The following LRRC37A2 variants were observed in gnomAD, a reference collection of about 807,000 sequenced individuals.
LRRC37A2 encodes leucine rich repeat containing 37 member A2.
Under a neutral mutation model 68.8 loss-of-function variants are expected in LRRC37A2, and 9 were observed. The observed-to-expected ratio is 0.13, with a 90% CI of 0.08 to 0.23. The LOEUF (loss-of-function observed/expected upper bound fraction) is 0.23. LRRC37A2 is among the 10% of genes least tolerant of loss of function. The pLI is 1.00. For synonymous variants in LRRC37A2, 63 were observed against 367.6 expected (o/e 0.17, Z 9.48); for missense variants, 168 against 950.4 (o/e 0.18, Z 10.82).
the LRRC37A2 span, among the ~76,000 whole-genome samples, chr17:46,883,687 T>C: frequency 6.6e-6 from 1 of 152,182 alleles, no homozygotes; most frequent in Non-Finnish European, 1.5e-5. Flanking sequence ...TCACTGCCTC[T>C]TCCCGGGGAG....
chr17:46,793,149 C>T, the LRRC37A2 span, among the ~76,000 whole-genome samples: 2 of 151,168 alleles, frequency 1.3e-5, no homozygotes. Context: ...TGGTGACCAC[C>T]TGTAGTCCCA....
the LRRC37A2 span, among the ~76,000 whole-genome samples, chr17:46,734,479 CT>C: frequency 6.6e-6 from 1 of 151,654 alleles, no homozygotes; most frequent in Non-Finnish European, 1.5e-5. Flanking sequence ...ATAATACTCT[CT>C]TTAGGTATAC....
the LRRC37A2 span, among the ~76,000 whole-genome samples, chr17:46,879,919 G>A: frequency 3.9e-5 from 6 of 152,230 alleles, no homozygotes; most frequent in Non-Finnish European, 7.3e-5. Context: ...CCACTCCAAG[G>A]GGTCCTTCTG....
At chr17:46,867,808 C>T in the LRRC37A2 span, among the ~76,000 whole-genome samples, 2 of 152,114 alleles carry the variant, frequency 1.3e-5, no homozygotes, top group Admixed American at 1.3e-4. Context: ...GCACCCTTGA[C>T]TTCTCCCACT....
the LRRC37A2 span, among the ~76,000 whole-genome samples, chr17:46,774,351 C>T: frequency 2.2e-4 from 34 of 151,570 alleles, no homozygotes; most frequent in Admixed American, 4.6e-4. Flanking sequence ...TCATGGGACA[C>T]GCGCGCGCGC....
chr17:46,960,530 T>G, the LRRC37A2 span, among the ~76,000 whole-genome samples: 3 of 152,352 alleles, frequency 2.0e-5, no homozygotes, highest in East Asian at 5.8e-4. Flanking sequence ...GGAAAACTTT[T>G]GTTCACACAT....
At chr17:46,818,907 G>A in the LRRC37A2 span, 1 of 472,464 alleles carries the variant, frequency 2.1e-6, no homozygotes, top group Admixed American at 3.8e-5. Flanking sequence ...AGCAAACTTG[G>A]GCAAAGCCCG....
At chr17:46,834,651 C>G in the LRRC37A2 span, among the ~76,000 whole-genome samples, 1 of 152,138 alleles carries the variant, frequency 6.6e-6, no homozygotes, top group African/African-American at 2.4e-5. Context: ...GTCCTTCTCG[C>G]CTGCCTCCTC....
At chr17:46,657,971 T>TTA in the LRRC37A2 span, among the ~76,000 whole-genome samples, 4,973 of 11,498 alleles carry the variant, frequency 0.43, 1,308 homozygotes, top group South Asian at 0.6. Context: ...ATTTTATTTA[T>TTA]TTTTTTTTTT....
At chr17:46,816,111 G>GTA in the LRRC37A2 span, among the ~76,000 whole-genome samples, 2 of 35,176 alleles carry the variant, frequency 5.7e-5, no homozygotes, top group African/African-American at 2.1e-4. Context: ...GCGCGCGCAC[G>GTA]TACACACACA....
chr17:46,838,396 G>A, the LRRC37A2 span, among the ~76,000 whole-genome samples: 1 of 151,856 alleles, frequency 6.6e-6, no homozygotes, highest in Non-Finnish European at 1.5e-5. Context: ...GAAGGCCAAG[G>A]CAGGAGGATC....
At chr17:46,896,974 T>C in the LRRC37A2 span, among the ~76,000 whole-genome samples, 1 of 152,260 alleles carries the variant, frequency 6.6e-6, no homozygotes, top group Non-Finnish European at 1.5e-5. Flanking sequence ...AGTCAAATGC[T>C]ACAGACTGTG....
chr17:46,931,031 GATTTATCATTGTA>G, the LRRC37A2 span: 1 of 889,584 alleles, frequency 1.1e-6, no homozygotes, highest in East Asian at 2.4e-5. Context: ...AAAAATCTGT[GATTTATCATTGTA>G]ATTTAAGTTC....
chr17:46,995,199 G>A, the LRRC37A2 span, among the ~76,000 whole-genome samples: 7 of 152,072 alleles, frequency 4.6e-5, no homozygotes, highest in South Asian at 2.1e-4. Context: ...TAAGCTCCAC[G>A]GTCCCTCCCT....
chr17:46,938,662 C>G, the LRRC37A2 span: 28 of 1,614,012 alleles, frequency 1.7e-5, no homozygotes, highest in Non-Finnish European at 2.2e-5. Context: ...AGTGATGCGG[C>G]TCATCGAGAA....
the LRRC37A2 span, among the ~76,000 whole-genome samples, chr17:46,751,152 A>G: frequency 1.3e-5 from 2 of 152,208 alleles, no homozygotes; most frequent in Non-Finnish European, 2.9e-5. Context: ...GAAGCTGGGT[A>G]AGAGAATTAA....
chr17:46,724,488 G>C, the LRRC37A2 span, among the ~76,000 whole-genome samples: 1 of 152,262 alleles, frequency 6.6e-6, no homozygotes, highest in East Asian at 1.9e-4. Flanking sequence ...GACTCCTAAG[G>C]CTTCTTTCAG....
chr17:46,494,727 G>T, the LRRC37A2 span, among the ~76,000 whole-genome samples: 20 of 151,216 alleles, frequency 1.3e-4, 3 homozygotes, highest in African/African-American at 4.7e-4. Context: ...ATTTATAAGG[G>T]TACATGTAAT....
At chr17:46,848,888 G>A in the LRRC37A2 span, among the ~76,000 whole-genome samples, 4 of 152,244 alleles carry the variant, frequency 2.6e-5, no homozygotes, top group East Asian at 7.7e-4. Flanking sequence ...AGGGCTTGAG[G>A]CTTTAGTGAG....
Sources: allele counts gnomAD v4.1 joint callset (sites outside exome capture counted in the v4.1 genomes callset), GRCh38; gene constraint gnomAD v4.1.1; transcripts MANE v1.5; gene names NCBI Gene and HGNC (gene_info 2026-07-23, HGNC 2026-07-21).